Variants in MAF observed in about 807,000 individuals in gnomAD.
The protein encoded by MAF is transcription factor Maf.
MAF carries 10 observed loss-of-function variants against 22.0 expected under a neutral mutation model. The observed-to-expected ratio is 0.45, with a 90% CI of 0.28 to 0.77. The LOEUF is 0.77. Among genes scored for constraint, MAF ranks in the 30% least tolerant of loss-of-function variants. MAF has a pLI of 0.12. For missense variants in MAF, 544 were observed against 548.4 expected, an observed-to-expected ratio of 0.99 and a Z score of 0.08; for synonymous variants, 337 against 255.8, an observed-to-expected ratio of 1.32 and a Z score of -3.03.
chr16:79,386,940 A>T, the MAF span, among the ~76,000 whole-genome samples: 32 of 152,290 alleles, frequency 2.1e-4, no homozygotes, highest in African/African-American at 7.5e-4. Flanking sequence ...ACTGCTGTAA[A>T]AGCTCATCTA....
chr16:79,353,344 G>C, the MAF span, among the ~76,000 whole-genome samples: 747 of 152,272 alleles, frequency 4.9e-3, 3 homozygotes, highest in Non-Finnish European at 8.2e-3. Context: ...GCCCAGGCTA[G>C]TCTTGAACTG....
At chr16:79,313,817 T>C in the MAF span, among the ~76,000 whole-genome samples, 1 of 152,100 alleles carries the variant, frequency 6.6e-6, no homozygotes, top group African/African-American at 2.4e-5. Flanking sequence ...GGCCCAGGCT[T>C]GGAGTCAGGG....
the MAF span, among the ~76,000 whole-genome samples, chr16:79,362,328 C>T: frequency 6.6e-6 from 1 of 152,160 alleles, no homozygotes; most frequent in Non-Finnish European, 1.5e-5. Flanking sequence ...TTTTTAGTAA[C>T]AGTATTGCTC....
the MAF span, among the ~76,000 whole-genome samples, chr16:79,333,883 G>C: frequency 3.3e-5 from 5 of 152,120 alleles, no homozygotes; most frequent in Non-Finnish European, 4.4e-5. Context: ...CCTGGATCTG[G>C]TGATACCACC....
the MAF span, among the ~76,000 whole-genome samples, chr16:79,263,214 G>A: frequency 0.26 from 39,724 of 152,036 alleles, 5,546 homozygotes; most frequent in Non-Finnish European, 0.3. Context: ...ATAACTAAAC[G>A]CATCATTGCA....
At chr16:79,358,519 C>T in the MAF span, among the ~76,000 whole-genome samples, 88 of 152,258 alleles carry the variant, frequency 5.8e-4, no homozygotes, top group Non-Finnish European at 9.0e-4. Flanking sequence ...GGATAGCTCC[C>T]GGGGCAGGGT....
At chr16:79,488,417 T>G in the MAF span, among the ~76,000 whole-genome samples, 8 of 151,996 alleles carry the variant, frequency 5.3e-5, no homozygotes, top group Non-Finnish European at 8.8e-5. Context: ...TCCTGCCACC[T>G]AGTACACTGG....
chr16:79,430,345 C>A, the MAF span, among the ~76,000 whole-genome samples: 5 of 152,252 alleles, frequency 3.3e-5, no homozygotes, highest in African/African-American at 1.2e-4. Flanking sequence ...CCGGGCTGAG[C>A]AGGGTCTTCC....
At chr16:79,269,916 T>A in the MAF span, among the ~76,000 whole-genome samples, 2 of 152,126 alleles carry the variant, frequency 1.3e-5, no homozygotes, top group African/African-American at 4.8e-5. Context: ...TTCCATAAAA[T>A]CCCAAACCTA....
chr16:79,217,437 C>T, the MAF span, among the ~76,000 whole-genome samples: 1 of 152,206 alleles, frequency 6.6e-6, no homozygotes, highest in African/African-American at 2.4e-5. Context: ...TGGCTCTTCT[C>T]CTGATACCGA....
the MAF span, among the ~76,000 whole-genome samples, chr16:79,424,032 C>T: frequency 6.6e-6 from 1 of 152,156 alleles, no homozygotes; most frequent in African/African-American, 2.4e-5. Flanking sequence ...TAGGTTTTCA[C>T]CCATTAAGAT....
intron 1 of MAF, 196 bp downstream of exon 1, chr16:79,598,586 GTGT>G (rs1166677045): frequency 8.2e-6 from 11 of 1,346,076 alleles, no homozygotes; most frequent in Non-Finnish European, 7.9e-6. Context: ...TGTGGGGTGT[GTGT>G]GTGTGTGTGT....
chr16:79,502,686 T>TAA, the MAF span, among the ~76,000 whole-genome samples: 3 of 13,322 alleles, frequency 2.3e-4, no homozygotes, highest in Admixed American at 1.1e-3. Context: ...TAAATATAAA[T>TAA]ATAAATATAA....
At chr16:79,364,805 T>C in the MAF span, among the ~76,000 whole-genome samples, 1 of 152,208 alleles carries the variant, frequency 6.6e-6, no homozygotes, top group African/African-American at 2.4e-5. Flanking sequence ...GAGGCAGAAC[T>C]ATTGCATGTG....
the MAF span, among the ~76,000 whole-genome samples, chr16:79,376,450 T>A: frequency 6.6e-6 from 1 of 152,156 alleles, no homozygotes; most frequent in African/African-American, 2.4e-5. Context: ...TAAGCCCCCA[T>A]AGAAACACTC....
chr16:79,219,641 G>A, the MAF span, among the ~76,000 whole-genome samples: 1 of 150,512 alleles, frequency 6.6e-6, no homozygotes, highest in South Asian at 2.1e-4. Context: ...CATTTGAATC[G>A]TGGGGTCACC....
chr16:79,369,409 C>T, the MAF span, among the ~76,000 whole-genome samples: 3 of 152,328 alleles, frequency 2.0e-5, no homozygotes, highest in South Asian at 6.2e-4. Context: ...ATGACACTAT[C>T]TGCTATGTTT....
At chr16:79,583,526 G>A (rs1475976830), downstream of MAF, among the ~76,000 whole-genome samples, 1 of 152,204 alleles carries the variant, frequency 6.6e-6, no homozygotes, top group Non-Finnish European at 1.5e-5. Context: ...AGGTCTGGTT[G>A]CATCCGGATG....
chr16:79,240,986 A>C, the MAF span, among the ~76,000 whole-genome samples: 1 of 152,130 alleles, frequency 6.6e-6, no homozygotes, highest in Non-Finnish European at 1.5e-5. Flanking sequence ...ACAGAAAGGA[A>C]TTGCATCAAC....
Sources: gnomAD v4.1 joint callset for allele counts (sites outside exome capture counted in the v4.1 genomes callset) on GRCh38, gnomAD v4.1.1 for gene constraint, MANE v1.5 for transcripts, NCBI Gene and HGNC (gene_info 2026-07-23, HGNC 2026-07-21) for gene names.